Variants in CPSF3 observed in about 807,000 individuals in gnomAD.
CPSF3 encodes the protein cleavage and polyadenylation specific factor 3.
A neutral mutation model predicts 84.1 loss-of-function variants in CPSF3; 57 were observed. The ratio of observed to expected loss-of-function variants is 0.68; its 90% CI spans 0.55 to 0.85. CPSF3 has a LOEUF of 0.85. Among genes scored for constraint, CPSF3 ranks in the 40% least tolerant of loss-of-function variants. The probability of loss-of-function intolerance (pLI) is 0.00; values close to 1 mark genes in which losing one functional copy is unlikely to be tolerated. For missense variants in CPSF3, 522 were observed against 838.8 expected (o/e 0.62, Z 4.66); for synonymous variants, 275 against 278.1 (o/e 0.99, Z 0.11).
chr2:9,436,783 T>A (rs112382723), intron 7 of CPSF3, among the ~76,000 whole-genome samples: 1 of 119,518 alleles, frequency 8.4e-6, no homozygotes, highest in Non-Finnish European at 2.0e-5. Context: ...AAAATAATAA[T>A]AATAATAATA....
Position 9,455,771 on chromosome 2 carries a change from C to T in CPSF3, c.1603+14C>T, listed in dbSNP as rs930453804. ...AGAAATTGACAGGTGTGTGTGTGTACTGAAATTCATTTCATTGTTTTCTGT... is the reference window on the plus strand; with the variant it reads ...AGAAATTGACAGGTGTGTGTGTGTATTGAAATTCATTTCATTGTTTTCTGT... On this transcript the variant is annotated intron_variant, in intron 13 of 17. Transcript: ENST00000238112. 1 of 1,539,860 alleles carries T rather than the reference C, an allele frequency of 6.5e-7. No individual in the cohort carries two copies. Among genetic ancestry groups the T allele is most frequent in the Non-Finnish European group, 8.9e-7 (1 of 1,119,624 alleles).
chr2:9,441,658 T>C (rs1254653903), intron 8 of CPSF3, 160 bp from the exon 9 acceptor site: 2 of 708,080 alleles, frequency 2.8e-6, no homozygotes, highest in East Asian at 2.7e-5. Flanking sequence ...CTAAACTGTT[T>C]AGGAATTTGG....
intron 9 of CPSF3, 69 bp downstream of exon 9, chr2:9,442,045 G>A (rs1380254283): frequency 6.7e-7 from 1 of 1,501,520 alleles, no homozygotes; most frequent in African/African-American, 1.4e-5. Context: ...GTCCTCACAG[G>A]TTTTTGCACT....
chr2:9,466,351 C>T (rs895953051), intron 15 of CPSF3, among the ~76,000 whole-genome samples: 18 of 148,020 alleles, frequency 1.2e-4, no homozygotes, highest in East Asian at 7.8e-4. Context: ...CGCGCGCGCG[C>T]GCACACACAC....
chr2:9,454,895 G>A (rs1366933629), intron 12 of CPSF3, among the ~76,000 whole-genome samples: 1 of 152,060 alleles, frequency 6.6e-6, no homozygotes, highest in African/African-American at 2.4e-5. Flanking sequence ...TCTGTCTAAT[G>A]AGGGAAGCAG....
chr2:9,429,998 A>G lies in CPSF3; in HGVS notation c.190A>G (p.Ile64Val), dbSNP rs757637574. The G allele has an allele frequency of 3.8e-6, 6 of 1,573,226 alleles. No homozygotes were observed. The highest frequency in any genetic ancestry group is 5.2e-6 in the Non-Finnish European group (6 of 1,163,214). ...TATTGATTTAATTGACCCAGCTGAG[A>G]TTGATCTCCTATTAATTAGTCAGTA... is the stretch of plus-strand genomic sequence containing the variant. ...PYIDLIDPAE[I>V]DLLLISHFHL... is the part of the protein sequence containing the mutation. The change falls in exon 3 of 18, where the codon ATT becomes GTT. Residue 64 changes from isoleucine (I) to valine (V), a missense_variant. This residue lies in a region of CPSF3 where 329 missense variants were observed against 607.2 expected (regional missense o/e 0.54). Coordinates refer to ENST00000238112, the MANE Select transcript of CPSF3 (RefSeq NM_016207.4).
chr2:9,441,024 A>G (rs1270468824), intron 8 of CPSF3, among the ~76,000 whole-genome samples: 3 of 152,254 alleles, frequency 2.0e-5, no homozygotes, highest in African/African-American at 4.8e-5. Context: ...CCAAGTAGCC[A>G]TGTGTTCTCA....
intron 12 of CPSF3, among the ~76,000 whole-genome samples, chr2:9,455,052 T>C (rs972173953): frequency 6.6e-6 from 1 of 151,780 alleles, no homozygotes; most frequent in Non-Finnish European, 1.5e-5. Flanking sequence ...TTGTTGGGAG[T>C]TACCAAGGAA....
At position 9,424,132 on chromosome 2, in the gene CPSF3, C is replaced by T. The variant is rs556870293; in HGVS notation, c.50+309C>T. Reference sequence around the variant, plus strand: ...CACGCTAAGAAGCGTTTTCACTTAGCACAAGCACGGATCTCTGCGCGTCAG... The same window carrying T: ...CACGCTAAGAAGCGTTTTCACTTAGTACAAGCACGGATCTCTGCGCGTCAG... On this transcript the variant is annotated intron_variant, in intron 1 of 17. Transcript: ENST00000238112. 8.6e-5 allele frequency: 96 copies of T among 1,118,376 alleles called. 1 individual carries two copies. The African/African-American group carries it at 1.4e-3, about 16-fold the overall frequency. The allele number at this position is 1,118,376 out of a possible 1,614,324, so 69.3% of individuals were successfully genotyped here.
intron 8 of CPSF3, among the ~76,000 whole-genome samples, chr2:9,441,183 A>G (rs1251703004): frequency 6.6e-6 from 1 of 152,234 alleles, no homozygotes; most frequent in Non-Finnish European, 1.5e-5. Context: ...AAATTTTTAT[A>G]TACTTTTCTG....
Position 9,423,759 on chromosome 2 carries a change from C to T in CPSF3, c.-15C>T. The T allele has an allele frequency of 1.2e-6, 2 of 1,613,368 alleles. No individual in the cohort carries two copies. Among genetic ancestry groups the T allele is most frequent in the Non-Finnish European group, 1.7e-6 (2 of 1,179,680 alleles). The stretch of plus-strand genomic sequence containing the variant: ...GACCTGTTCCTCACCCCCGCTTCGC[C>T]CTCACACTTTCGGGATGTCTGCGAT... On this transcript the variant is annotated 5_prime_UTR_variant, in exon 1 of 18. Transcript: ENST00000238112.
chr2:9,456,447 G>A (rs1011041790), intron 13 of CPSF3, among the ~76,000 whole-genome samples: 2 of 152,158 alleles, frequency 1.3e-5, no homozygotes, highest in Admixed American at 1.3e-4. Flanking sequence ...CCTTGCACTA[G>A]GATAATCTGT....
chr2:9,450,764 A>G (rs771314228), intron 11 of CPSF3, among the ~76,000 whole-genome samples: 21 of 152,156 alleles, frequency 1.4e-4, no homozygotes, highest in Non-Finnish European at 2.6e-4. Context: ...CTCCAGCCTG[A>G]GCAACAGAGC....
chr2:9,456,541 A>G (rs1017505302), intron 13 of CPSF3, among the ~76,000 whole-genome samples: 1 of 152,254 alleles, frequency 6.6e-6, no homozygotes, highest in Non-Finnish European at 1.5e-5. Flanking sequence ...CTCTTCAACA[A>G]TAGAATTCCG....
intron 15 of CPSF3, among the ~76,000 whole-genome samples, chr2:9,460,469 G>A (rs1681694921): frequency 6.6e-6 from 1 of 151,946 alleles, no homozygotes; most frequent in Admixed American, 6.6e-5. Flanking sequence ...AATTGAGTCA[G>A]AAATTTCAAA....
chr2:9,456,257 G>A (rs75800964), intron 13 of CPSF3, among the ~76,000 whole-genome samples: 2,582 of 152,256 alleles, frequency 0.017, 67 homozygotes, highest in African/African-American at 0.059. Flanking sequence ...ATTTGAGTTC[G>A]AGATTTTGTA....
At chr2:9,432,420 AT>A in intron 4 of CPSF3, 90 bp from the exon 5 acceptor site, 1 of 804,214 alleles carries the variant, frequency 1.2e-6, no homozygotes, top group Non-Finnish European at 1.8e-6. Context: ...AAATATCTTC[AT>A]GGAGATGTTA....
intron 15 of CPSF3, among the ~76,000 whole-genome samples, chr2:9,464,120 A>G (rs1681825129): frequency 6.6e-6 from 1 of 152,012 alleles, no homozygotes; most frequent in Non-Finnish European, 1.5e-5. Flanking sequence ...ATGTGTCCCC[A>G]TTCTTAACCA....
At chr2:9,436,774 A>AAAAAAAAAAAAAAAAAAAAT (rs139337028) in intron 7 of CPSF3, among the ~76,000 whole-genome samples, 2 of 143,002 alleles carry the variant, frequency 1.4e-5, no homozygotes, top group African/African-American at 5.2e-5. Context: ...CCATCTCAAA[A>AAAAAAAAAAAAAAAAAAAAT]AATAATAATA....
Sources: gnomAD v4.1 joint callset for allele counts (sites outside exome capture counted in the v4.1 genomes callset) on GRCh38, gnomAD v4.1.1 for gene constraint, gnomAD v4.1.1 regional missense constraint, MANE v1.5 for transcripts, NCBI Gene and HGNC (gene_info 2026-07-23, HGNC 2026-07-21) for gene names.